Variants in SH3RF3 observed in about 807,000 individuals in gnomAD.
SH3RF3 encodes E3 ubiquitin-protein ligase SH3RF3.
SH3RF3 carries 29 observed loss-of-function variants against 66.3 expected under a neutral mutation model. The ratio of observed to expected loss-of-function variants is 0.44; its 90% CI spans 0.33 to 0.60. The LOEUF is 0.60. SH3RF3 is among the 20% of genes least tolerant of loss of function. The pLI is 0.04. For missense variants in SH3RF3, 1,194 were observed against 1,190.9 expected (o/e 1.00, Z -0.04); for synonymous variants, 583 against 532.0 (o/e 1.10, Z -1.32).
intron 2 of SH3RF3, among the ~76,000 whole-genome samples, chr2:109,369,114 G>A (rs1683209309): frequency 6.6e-6 from 1 of 152,052 alleles, no homozygotes; most frequent in Admixed American, 6.6e-5. Context: ...GGAGGCCGAG[G>A]TGGGCAGATC....
intron 1 of SH3RF3, among the ~76,000 whole-genome samples, chr2:109,324,293 C>T (rs1244013028): frequency 6.6e-6 from 1 of 152,178 alleles, no homozygotes; most frequent in African/African-American, 2.4e-5. Flanking sequence ...TTTTTGTGGA[C>T]AGGTTTCCAC....
intron 1 of SH3RF3, among the ~76,000 whole-genome samples, chr2:109,304,811 T>C (rs1681553573): frequency 6.6e-6 from 1 of 152,102 alleles, no homozygotes; most frequent in Non-Finnish European, 1.5e-5. Context: ...AGCTGTGAAT[T>C]GCTAGATTAG....
At chr2:109,209,788 A>C (rs368500623) in intron 1 of SH3RF3, among the ~76,000 whole-genome samples, 7 of 152,206 alleles carry the variant, frequency 4.6e-5, no homozygotes, top group African/African-American at 1.7e-4. Flanking sequence ...TACTTGGTAG[A>C]ATGACAAATT....
chr2:109,457,063 G>A (rs990421966), intron 8 of SH3RF3, among the ~76,000 whole-genome samples: 5 of 152,184 alleles, frequency 3.3e-5, no homozygotes, highest in African/African-American at 9.7e-5. Flanking sequence ...ATGTGACTTC[G>A]AGCAAGCTTC....
chr2:109,384,873 C>T (rs75498287), intron 3 of SH3RF3, among the ~76,000 whole-genome samples: 71,940 of 151,700 alleles, frequency 0.47, 17,129 homozygotes, highest in Middle Eastern at 0.55. Flanking sequence ...GAGGGTCCCA[C>T]TTCCCCCACA....
At chr2:109,201,200 A>G (rs1449254606) in intron 1 of SH3RF3, among the ~76,000 whole-genome samples, 1 of 152,246 alleles carries the variant, frequency 6.6e-6, no homozygotes, top group Non-Finnish European at 1.5e-5. Context: ...CGGTCCTGAA[A>G]TGATGCTTTA....
chr2:109,276,735 T>G (rs976874489), intron 1 of SH3RF3, among the ~76,000 whole-genome samples: 1 of 152,228 alleles, frequency 6.6e-6, no homozygotes, highest in Non-Finnish European at 1.5e-5. Flanking sequence ...GCTTTTGTGA[T>G]ACCTCAGCCT....
chr2:109,472,668 T>C (rs1295401153), intron 8 of SH3RF3, among the ~76,000 whole-genome samples: 3 of 152,220 alleles, frequency 2.0e-5, no homozygotes, highest in East Asian at 1.9e-4. Flanking sequence ...ATAGTGTGTT[T>C]AATTTTTCCT....
chr2:109,294,123 C>T (rs1681251715), intron 1 of SH3RF3, among the ~76,000 whole-genome samples: 1 of 152,176 alleles, frequency 6.6e-6, no homozygotes, highest in African/African-American at 2.4e-5. Context: ...GCTCCTTGGG[C>T]CCCTCCATGT....
intron 2 of SH3RF3, among the ~76,000 whole-genome samples, chr2:109,363,201 C>T (rs1683087091): frequency 6.6e-6 from 1 of 151,440 alleles, no homozygotes; most frequent in Admixed American, 6.6e-5. Flanking sequence ...TTTCTATTTT[C>T]TCTCCTTTAT....
intron 1 of SH3RF3, among the ~76,000 whole-genome samples, chr2:109,148,910 CA>C (rs1271863513): frequency 2.0e-5 from 3 of 151,532 alleles, no homozygotes; most frequent in Non-Finnish European, 2.9e-5. Flanking sequence ...TGGTTTTACC[CA>C]AAAAAAATCA....
intron 1 of SH3RF3, among the ~76,000 whole-genome samples, chr2:109,326,755 G>A (rs1259746731): frequency 6.6e-6 from 1 of 152,198 alleles, no homozygotes; most frequent in African/African-American, 2.4e-5. Flanking sequence ...TGTTCTAAGT[G>A]GTTCTGGATA....
At chr2:109,233,875 A>G (rs374195719) in intron 1 of SH3RF3, among the ~76,000 whole-genome samples, 56 of 152,318 alleles carry the variant, frequency 3.7e-4, no homozygotes, top group African/African-American at 1.3e-3. Flanking sequence ...TGTTTTGTCT[A>G]TCAGTAGGGT....
At chr2:109,242,322 T>C (rs536419982) in intron 1 of SH3RF3, among the ~76,000 whole-genome samples, 1 of 152,318 alleles carries the variant, frequency 6.6e-6, no homozygotes, top group South Asian at 2.1e-4. Flanking sequence ...CCTGGGAGTC[T>C]AGAAGCTCCC....
chr2:109,295,252 G>A (rs538603560), intron 1 of SH3RF3, among the ~76,000 whole-genome samples: 43 of 152,294 alleles, frequency 2.8e-4, no homozygotes, highest in African/African-American at 8.2e-4. Context: ...ACACTCCCTC[G>A]CTTGGGCCTG....
At chr2:109,195,346 G>A (rs1191933975) in intron 1 of SH3RF3, among the ~76,000 whole-genome samples, 1 of 152,212 alleles carries the variant, frequency 6.6e-6, no homozygotes, top group Non-Finnish European at 1.5e-5. Context: ...GCCAGGACAA[G>A]GGGCAAGTGA....
chr2:109,392,550 C>A (rs1676029381), intron 3 of SH3RF3, among the ~76,000 whole-genome samples: 1 of 151,992 alleles, frequency 6.6e-6, no homozygotes, highest in Non-Finnish European at 1.5e-5. Flanking sequence ...CGCACTGTTG[C>A]CCAGGCTGAG....
chr2:109,358,591 G>A (rs1467507781), intron 2 of SH3RF3, among the ~76,000 whole-genome samples: 1 of 152,204 alleles, frequency 6.6e-6, no homozygotes, highest in South Asian at 2.1e-4. Context: ...TTGGTGAAGT[G>A]TCTTCTTTGG....
chr2:109,409,579 G>A (rs912208262), intron 4 of SH3RF3, among the ~76,000 whole-genome samples: 1 of 152,124 alleles, frequency 6.6e-6, no homozygotes, highest in Non-Finnish European at 1.5e-5. Context: ...ATCTTCAGTG[G>A]TGAGCAAGCA....
Sources: gnomAD v4.1 joint callset for allele counts (sites outside exome capture counted in the v4.1 genomes callset) on GRCh38, gnomAD v4.1.1 for gene constraint, MANE v1.5 for transcripts, NCBI Gene and HGNC (gene_info 2026-07-23, HGNC 2026-07-21) for gene names.